Variants in LYRM4 observed in about 807,000 individuals in gnomAD.
LYRM4 encodes LYR motif-containing protein 4.
A neutral mutation model predicts 11.7 loss-of-function variants in LYRM4; 9 were observed. The observed-to-expected ratio is 0.77, with a 90% CI of 0.46 to 1.34. The LOEUF (loss-of-function observed/expected upper bound fraction) is 1.34, where lower values mean the gene tolerates loss of function less well. LYRM4 is among the 40% of genes most tolerant of loss of function. The probability of loss-of-function intolerance (pLI) is 0.00; values close to 1 mark genes in which losing one functional copy is unlikely to be tolerated. For synonymous variants in LYRM4, 42 were observed against 40.4 expected (o/e 1.04, Z -0.15); for missense variants, 133 against 112.5 (o/e 1.18, Z -0.82).
At chr6:5,042,301 A>G in the LYRM4 span, among the ~76,000 whole-genome samples, 2 of 152,122 alleles carry the variant, frequency 1.3e-5, no homozygotes, top group Admixed American at 1.3e-4. Flanking sequence ...ATGATGTTTA[A>G]AAAAATAAAA....
At chr6:5,072,863 A>G in the LYRM4 span, among the ~76,000 whole-genome samples, 1 of 152,212 alleles carries the variant, frequency 6.6e-6, no homozygotes, top group East Asian at 1.9e-4. Context: ...GAAAAAGTTC[A>G]TAAAATTTCC....
the LYRM4 span, chr6:5,088,690 A>G: frequency 6.6e-6 from 1 of 152,252 alleles, no homozygotes; most frequent in South Asian, 2.1e-4. Context: ...GCTGACAATT[A>G]TAGTTAATAA....
chr6:5,079,523 A>C, the LYRM4 span, among the ~76,000 whole-genome samples: 1,085 of 152,326 alleles, frequency 7.1e-3, 15 homozygotes, highest in African/African-American at 0.024. Flanking sequence ...ACGTGTTCTG[A>C]TCCCCTTCAA....
Position 5,260,838 on chromosome 6 carries a change from C to T in LYRM4, c.-105G>A. 9 of 1,510,152 alleles carry T rather than the reference C, an allele frequency of 6.0e-6. No homozygotes were observed. The South Asian group carries it at 7.4e-5, about 12-fold the overall frequency. The allele number at this position is 1,510,152 out of a possible 1,614,324, so 93.5% of individuals were successfully genotyped here. A position where few individuals can be genotyped will look rare whatever the true frequency, so the allele number is the denominator to read the frequency against. On this transcript the variant is annotated 5_prime_UTR_variant, in exon 1 of 3. Coordinates refer to ENST00000330636, the MANE Select transcript of LYRM4 (RefSeq NM_020408.6). The stretch of plus-strand genomic sequence containing the variant: ...CGGAAACCACGAACGAAATAAAATG[C>T]TGCGGCTCGGCTTTGCCAGCGGGCC...
At chr6:5,101,266 C>T (rs1762491318), downstream of LYRM4, among the ~76,000 whole-genome samples, 2 of 152,220 alleles carry the variant, frequency 1.3e-5, no homozygotes, top group African/African-American at 4.8e-5. Flanking sequence ...CAGCTATTTA[C>T]ATACATGTCT....
intron 1 of LYRM4, among the ~76,000 whole-genome samples, chr6:5,242,028 C>T (rs1181992336): frequency 6.6e-6 from 1 of 151,952 alleles, no homozygotes; most frequent in East Asian, 1.9e-4. Context: ...ATTACAAGGC[C>T]TTCACACACA....
the LYRM4 span, chr6:5,066,842 G>A: frequency 1.2e-6 from 1 of 806,824 alleles, no homozygotes; most frequent in Non-Finnish European, 2.1e-6. Context: ...GCTGCGGAGA[G>A]GAGTCAGACA....
chr6:5,185,927 G>A (rs574695188), intron 2 of LYRM4, among the ~76,000 whole-genome samples: 1 of 152,296 alleles, frequency 6.6e-6, no homozygotes, highest in African/African-American at 2.4e-5. Flanking sequence ...AGCAGAAGGG[G>A]AGGCAGGAGT....
intron 2 of LYRM4, among the ~76,000 whole-genome samples, chr6:5,165,393 T>G (rs1023371887): frequency 6.6e-6 from 1 of 152,204 alleles, no homozygotes; most frequent in Non-Finnish European, 1.5e-5. Flanking sequence ...CAACTGTCCT[T>G]GTTCTAATTT....
intron 2 of LYRM4, among the ~76,000 whole-genome samples, chr6:5,113,694 C>A (rs1401491036): frequency 1.3e-5 from 2 of 151,930 alleles, no homozygotes; most frequent in East Asian, 3.9e-4. Flanking sequence ...TGCTGCTCCT[C>A]TACCAGGTCC....
chr6:5,169,940 G>A (rs775090055), intron 2 of LYRM4, among the ~76,000 whole-genome samples: 2 of 152,214 alleles, frequency 1.3e-5, no homozygotes, highest in Non-Finnish European at 2.9e-5. Context: ...AGGTGCCGTG[G>A]AGGGGTATTA....
At chr6:5,243,807 G>C (rs1334802249) in intron 1 of LYRM4, among the ~76,000 whole-genome samples, 1 of 152,044 alleles carries the variant, frequency 6.6e-6, no homozygotes, top group Non-Finnish European at 1.5e-5. Context: ...TTTGAAAATC[G>C]TTGGTGAAAC....
intron 2 of LYRM4, among the ~76,000 whole-genome samples, chr6:5,119,772 G>A (rs1407450389): frequency 9.8e-6 from 1 of 102,356 alleles, no homozygotes; most frequent in Non-Finnish European, 1.7e-5. Flanking sequence ...CTGGGTGGCA[G>A]AATGAGACTC....
chr6:5,125,206 A>G (rs1450558555), intron 2 of LYRM4, among the ~76,000 whole-genome samples: 1 of 152,170 alleles, frequency 6.6e-6, no homozygotes. Flanking sequence ...TGCTCATCAC[A>G]TCAACCCATG....
chr6:5,078,516 G>C, the LYRM4 span, among the ~76,000 whole-genome samples: 1 of 152,130 alleles, frequency 6.6e-6, no homozygotes, highest in African/African-American at 2.4e-5. Flanking sequence ...GGTGTCAGCT[G>C]TACTAGATGT....
intron 2 of LYRM4, among the ~76,000 whole-genome samples, chr6:5,145,607 A>G (rs466906): frequency 0.018 from 2,746 of 152,320 alleles, 51 homozygotes; most frequent in South Asian, 0.057. Context: ...CCCCAGCCTT[A>G]TGAGGAAAAA....
intron 2 of LYRM4, among the ~76,000 whole-genome samples, chr6:5,215,320 A>G (rs916665385): frequency 2.0e-5 from 3 of 152,182 alleles, no homozygotes; most frequent in African/African-American, 7.2e-5. Context: ...ATAAAATTCA[A>G]CTACTGGTGA....
intron 1 of LYRM4, among the ~76,000 whole-genome samples, chr6:5,257,650 G>A (rs951055392): frequency 8.5e-5 from 13 of 152,310 alleles, no homozygotes; most frequent in African/African-American, 3.1e-4. Flanking sequence ...GGCGGCATTA[G>A]ATTCTCATAG....
the LYRM4 span, among the ~76,000 whole-genome samples, chr6:5,044,319 T>C: frequency 2.0e-5 from 3 of 151,780 alleles, no homozygotes; most frequent in Non-Finnish European, 4.4e-5. Flanking sequence ...TTAGTAGAGA[T>C]GGGGTTTCAC....
Sources: gnomAD v4.1 joint callset for allele counts (sites outside exome capture counted in the v4.1 genomes callset) on GRCh38, gnomAD v4.1.1 for gene constraint, MANE v1.5 for transcripts, NCBI Gene and HGNC (gene_info 2026-07-23, HGNC 2026-07-21) for gene names.